The following TANC1 variants were observed in gnomAD, a reference collection of about 807,000 sequenced individuals.
TANC1 encodes the protein protein TANC1.
Under a neutral mutation model 149.7 loss-of-function variants are expected in TANC1, and 77 were observed. The ratio of observed to expected loss-of-function variants is 0.51; its 90% CI spans 0.43 to 0.62. TANC1 has a LOEUF of 0.62. Among genes scored for constraint, TANC1 ranks in the 20% least tolerant of loss-of-function variants. The pLI is 0.00. For missense variants in TANC1, 1,985 were observed against 2,321.8 expected, an observed-to-expected ratio of 0.85 and a Z score of 2.98; for synonymous variants, 854 against 925.0, an observed-to-expected ratio of 0.92 and a Z score of 1.39.
intron 3 of TANC1, 70 bp downstream of exon 3, chr2:159,066,041 A>T: frequency 8.0e-7 from 1 of 1,252,572 alleles, no homozygotes; most frequent in South Asian, 1.2e-5. Flanking sequence ...CCCAGGCCGG[A>T]TGGATTTGTT....
chr2:159,087,452 T>C (rs2045022497), intron 3 of TANC1, among the ~76,000 whole-genome samples: 1 of 103,726 alleles, frequency 9.6e-6, no homozygotes, highest in South Asian at 3.6e-4. Context: ...TAGATGTTGC[T>C]TTTTTTGTTT....
intron 2 of TANC1, among the ~76,000 whole-genome samples, chr2:159,041,361 T>C (rs2040614000): frequency 6.6e-6 from 1 of 152,154 alleles, no homozygotes; most frequent in African/African-American, 2.4e-5. Context: ...TTCTGCTGCC[T>C]TTTTTTCAGC....
intron 5 of TANC1, among the ~76,000 whole-genome samples, chr2:159,141,561 G>A (rs1215369424): frequency 1.3e-5 from 2 of 152,172 alleles, no homozygotes; most frequent in Non-Finnish European, 2.9e-5. Context: ...CTGTGTTTTG[G>A]TTTGAGTTCA....
In TANC1 at chr2:159,227,887, C is replaced by G; in HGVS notation, c.3972C>G (p.Phe1324Leu). The change falls in exon 25 of 27, where the codon TTC becomes TTG. Residue 1324 changes from phenylalanine to leucine, a missense_variant. Transcript: ENST00000263635. Reference sequence around the variant, plus strand: ...TAAGAAAGTTTCCTCGAGAAGGATTCGGAGAGGACATGAGACCCTTCAATG... The same window carrying G: ...TAAGAAAGTTTCCTCGAGAAGGATTGGGAGAGGACATGAGACCCTTCAATG... ...YALRKFPREG[F>L]GEDMRPFNEL... 1 of 1,614,094 alleles carries G rather than the reference C, an allele frequency of 6.2e-7. No individual in the cohort carries two copies. Among genetic ancestry groups the G allele is most frequent in the Non-Finnish European group, 8.5e-7 (1 of 1,179,966 alleles).
At chr2:159,195,437 A>G (rs1449507251) in intron 17 of TANC1, among the ~76,000 whole-genome samples, 1 of 152,188 alleles carries the variant, frequency 6.6e-6, no homozygotes, top group Non-Finnish European at 1.5e-5. Flanking sequence ...GTCAGCTTTA[A>G]TAGGGTGAAT....
At position 159,178,741 on chromosome 2, in the gene TANC1, G is replaced by C; in HGVS notation, c.2088G>C (p.Leu696=). 6.2e-7 allele frequency: 1 copy of C among 1,614,172 alleles called. No individual in the cohort carries two copies. Among genetic ancestry groups the C allele is most frequent in the Non-Finnish European group, 8.5e-7 (1 of 1,180,028 alleles). Residue 696 remains leucine, a synonymous_variant, in exon 14 of 27, where the codon CTG becomes CTC. Coordinates refer to ENST00000263635, the MANE Select transcript of TANC1 (RefSeq NM_033394.3). ...ATLIGKVSSH[L]VLRSLGSYLY... ...TCATTGGAAAAGTGAGCAGCCACCTGGTGCTGCGGAGCCTCGGCTCCTACC... is the reference window on the plus strand; with the variant it reads ...TCATTGGAAAAGTGAGCAGCCACCTCGTGCTGCGGAGCCTCGGCTCCTACC...
At chr2:159,096,547 G>C (rs1385675461) in intron 3 of TANC1, among the ~76,000 whole-genome samples, 1 of 152,182 alleles carries the variant, frequency 6.6e-6, no homozygotes, top group Non-Finnish European at 1.5e-5. Flanking sequence ...AGCACACCTG[G>C]ACAGGGGAGG....
chr2:158,998,079 C>G (rs2036296382), intron 1 of TANC1, among the ~76,000 whole-genome samples: 1 of 152,074 alleles, frequency 6.6e-6, no homozygotes, highest in Admixed American at 6.5e-5. Flanking sequence ...TGCAACGTAG[C>G]AAGACCCCAT....
chr2:158,977,781 A>G (rs1407676350), intron 1 of TANC1, among the ~76,000 whole-genome samples: 1 of 152,190 alleles, frequency 6.6e-6, no homozygotes, highest in East Asian at 1.9e-4. Context: ...TTAGCTTTCA[A>G]GAATCTCTGT....
chr2:159,186,086 C>T (rs1203438716), intron 15 of TANC1, among the ~76,000 whole-genome samples, 187 bp downstream of exon 15: 2 of 152,198 alleles, frequency 1.3e-5, no homozygotes, highest in Non-Finnish European at 2.9e-5. Context: ...CATTTCCTTG[C>T]ATTTTGCTAT....
At chr2:159,059,888 T>TTGTGTGTGTGTGTGTGTGTGTGTGTG (rs140659801) in intron 2 of TANC1, among the ~76,000 whole-genome samples, 2 of 114,804 alleles carry the variant, frequency 1.7e-5, no homozygotes, top group African/African-American at 3.2e-5. Flanking sequence ...GCAGACCTCT[T>TTGTGTGTGTGTGTGTGTGTGTGTGTG]TGTGTGTGTG....
chr2:159,031,223 G>C (rs567519967), intron 2 of TANC1, among the ~76,000 whole-genome samples: 1 of 152,352 alleles, frequency 6.6e-6, no homozygotes, highest in African/African-American at 2.4e-5. Flanking sequence ...CTTAGCCAGA[G>C]CTATTTAAAT....
At chr2:159,095,284 C>T (rs138035690) in intron 3 of TANC1, among the ~76,000 whole-genome samples, 22 of 152,240 alleles carry the variant, frequency 1.4e-4, no homozygotes, top group African/African-American at 5.3e-4. Flanking sequence ...CTTCAAATGC[C>T]AGTCATTTGG....
intron 1 of TANC1, among the ~76,000 whole-genome samples, chr2:158,997,330 G>A (rs555382655): frequency 6.6e-6 from 1 of 152,334 alleles, no homozygotes; most frequent in South Asian, 2.1e-4. Context: ...AAGCTAGAAC[G>A]AACCTTGTGG....
rs148248036 is a variant in TANC1, at chr2:159,183,639, A to C, written c.2511-2152A>C. On this transcript the variant is annotated intron_variant, in intron 14 of 26. Transcript: ENST00000263635. ...TTGAGAGGAGAGAGAGGAGGGAGCCAGCGTCTTGGGATGGGAGGTGGAAGG... is the reference window on the plus strand; with the variant it reads ...TTGAGAGGAGAGAGAGGAGGGAGCCCGCGTCTTGGGATGGGAGGTGGAAGG... 5.9e-3 allele frequency among the ~76,000 whole-genome samples: 890 copies of C among 152,120 alleles called. 9 individuals are homozygous for C. The highest frequency in any genetic ancestry group is 0.02 in the African/African-American group (814 of 41,486).
At chr2:159,135,657 A>T (rs1362507402) in intron 4 of TANC1, among the ~76,000 whole-genome samples, 2 of 152,240 alleles carry the variant, frequency 1.3e-5, no homozygotes, top group Non-Finnish European at 2.9e-5. Context: ...ACTGTGCGTC[A>T]CCAGCCAGAT....
intron 2 of TANC1, among the ~76,000 whole-genome samples, chr2:159,006,940 C>G (rs1408559098): frequency 6.6e-6 from 1 of 152,132 alleles, no homozygotes; most frequent in East Asian, 1.9e-4. Context: ...AATAATAATG[C>G]TGTGCACTCT....
At chr2:159,073,940 C>T (rs1166712409) in intron 3 of TANC1, among the ~76,000 whole-genome samples, 1 of 152,134 alleles carries the variant, frequency 6.6e-6, no homozygotes, top group South Asian at 2.1e-4. Flanking sequence ...CTGAGTATTC[C>T]TCATAAGAGT....
At chr2:158,991,647 G>T (rs2035643104) in intron 1 of TANC1, among the ~76,000 whole-genome samples, 1 of 152,080 alleles carries the variant, frequency 6.6e-6, no homozygotes, top group African/African-American at 2.4e-5. Flanking sequence ...CTGGGAGGCT[G>T]AGGCGGGAGA....
Sources: gnomAD v4.1 joint callset for allele counts (sites outside exome capture counted in the v4.1 genomes callset) on GRCh38, gnomAD v4.1.1 for gene constraint, MANE v1.5 for transcripts, NCBI Gene and HGNC (gene_info 2026-07-23, HGNC 2026-07-21) for gene names.